MTERF4: variants seen among roughly 807,000 people sequenced by gnomAD.
MTERF4 encodes the protein mitochondrial transcription termination factor 4, also known as transcription termination factor 4, mitochondrial.
In MTERF4, 17 loss-of-function variants were observed where a neutral mutation model predicts 22.5. That is an observed-to-expected ratio of 0.75 (90% CI 0.52 to 1.13). The LOEUF (loss-of-function observed/expected upper bound fraction) is 1.13. Among genes scored for constraint, MTERF4 ranks in the 50% most tolerant of loss-of-function variants. The probability of loss-of-function intolerance (pLI) is 0.00; values close to 1 mark genes in which losing one functional copy is unlikely to be tolerated. For synonymous variants in MTERF4, 165 were observed against 175.3 expected (o/e 0.94, Z 0.47); for missense variants, 420 against 466.8 (o/e 0.90, Z 0.92).
chr2:241,049,956 G>A, the MTERF4 span: 1 of 1,585,772 alleles, frequency 6.3e-7, no homozygotes, highest in Non-Finnish European at 8.7e-7. Context: ...GGGGCGTCCG[G>A]GCCGGCGTCA....
the MTERF4 span, chr2:241,063,021 T>A: frequency 1.6e-5 from 10 of 637,788 alleles, no homozygotes; most frequent in Non-Finnish European, 2.7e-5. Context: ...CACTGCATGC[T>A]TTCTCGGGCC....
chr2:241,071,647 C>T (rs2062722829), downstream of MTERF4: 3 of 1,574,144 alleles, frequency 1.9e-6, no homozygotes, highest in East Asian at 2.3e-5. Context: ...GAACAGACCG[C>T]CCCCGGCGCG....
the MTERF4 span, among the ~76,000 whole-genome samples, chr2:241,064,558 A>G: frequency 6.6e-6 from 1 of 152,186 alleles, no homozygotes; most frequent in South Asian, 2.1e-4. This position sits in a 1 kb window ranked among gnomAD's most constrained non-coding sequence, Gnocchi z 7.0. Context: ...CCCCTCCTCA[A>G]GCAGGACTGT....
At chr2:241,072,117 C>T (rs988349046), downstream of MTERF4, 10 of 698,282 alleles carry the variant, frequency 1.4e-5, no homozygotes, top group Admixed American at 4.0e-5. Context: ...GCTGGAGGCG[C>T]AGGCTGCTGG....
downstream of MTERF4, chr2:241,070,278 C>G: frequency 7.0e-7 from 1 of 1,423,610 alleles, no homozygotes; most frequent in East Asian, 2.5e-5. Flanking sequence ...TGACCTGGCC[C>G]TGCAGGGGCC....
chr2:241,073,246 C>T lies in MTERF4; in HGVS notation n.2916G>A. Reference sequence around the variant, plus strand: ...GTGCAAAGCAGCTGCGCCGTGTGGTCACCGCCTGGCTTCTCCTAGAACCCA... The same window carrying T: ...GTGCAAAGCAGCTGCGCCGTGTGGTTACCGCCTGGCTTCTCCTAGAACCCA... On this transcript the variant is annotated non_coding_transcript_exon_variant, in exon 5 of 5. Coordinates refer to the MTERF4 transcript ENST00000464344. The surrounding 1 kb of genome is among the most constrained non-coding windows in gnomAD (Gnocchi z 6.6). 1.3e-6 allele frequency: 2 copies of T among 1,542,026 alleles called. No individual in the cohort carries two copies. Among genetic ancestry groups the T allele is most frequent in the Non-Finnish European group, 1.8e-6 (2 of 1,138,996 alleles).
downstream of MTERF4, chr2:241,071,918 C>G (rs911237042): frequency 4.0e-6 from 6 of 1,481,728 alleles, no homozygotes; most frequent in African/African-American, 1.4e-5. Flanking sequence ...GGTGGCCCAC[C>G]CTCGTCCTCA....
chr2:241,097,289 G>A lies in MTERF4; in HGVS notation c.659C>T (p.Pro220Leu), dbSNP rs753306693. The A allele has an allele frequency of 6.2e-7, 1 of 1,614,132 alleles. No homozygotes were observed. Among genetic ancestry groups the A allele is most frequent in the South Asian group, 1.1e-5 (1 of 91,062 alleles). Reference protein sequence around the residue: ...QQVTKILHSCPSVLREDLGQL... With the variant: ...QQVTKILHSCLSVLREDLGQL... ...ACCCAGGTCCTCTCGAAGAACAGAGGGGCAACTGTGCAAAATCTTGGTGAC... is the reference window on the plus strand; with the variant it reads ...ACCCAGGTCCTCTCGAAGAACAGAGAGGCAACTGTGCAAAATCTTGGTGAC... Residue 220 changes from proline (P) to leucine (L), a missense_variant, in exon 3 of 4, where the codon CCC becomes CTC. Physicochemically the swap from Pro to Leu is moderately conservative, Grantham distance 98. Coordinates refer to ENST00000391980, the MANE Select transcript of MTERF4 (RefSeq NM_182501.4).
At chr2:241,083,432 T>A (rs1397327341), downstream of MTERF4, among the ~76,000 whole-genome samples, 1 of 152,138 alleles carries the variant, frequency 6.6e-6, no homozygotes, top group Non-Finnish European at 1.5e-5. Context: ...AAGAGTGACA[T>A]GTTCGATTAC....
the MTERF4 span, among the ~76,000 whole-genome samples, chr2:241,054,141 A>AG: frequency 0.62 from 94,000 of 151,820 alleles, 30,380 homozygotes; most frequent in African/African-American, 0.81. Flanking sequence ...TTCAAGCCCC[A>AG]GGTGAGCTCC....
rs901550178 is a variant in MTERF4 at position 241,075,173 on chromosome 2, G to T, written n.989C>A. On this transcript the variant is annotated non_coding_transcript_exon_variant, in exon 5 of 5. Transcript: ENST00000464344. The surrounding 1 kb of genome is among the most constrained non-coding windows in gnomAD (Gnocchi z 4.8). ...CCCTCTCTGTGCAGAGAACATGTAGGTTGTGTTTGGTATGAGCAGTGCTGC... is the reference window on the plus strand; with the variant it reads ...CCCTCTCTGTGCAGAGAACATGTAGTTTGTGTTTGGTATGAGCAGTGCTGC... The T allele has an allele frequency of 7.7e-4, 117 of 152,296 alleles. No homozygotes were observed. Among genetic ancestry groups the T allele is most frequent in the Middle Eastern group, 3.4e-3 (1 of 294 alleles). 9.4% of individuals were successfully genotyped at this position (152,296 alleles called of 1,614,324 possible).
chr2:241,071,006 T>C (rs2062685239), downstream of MTERF4, among the ~76,000 whole-genome samples: 1 of 152,050 alleles, frequency 6.6e-6, no homozygotes, highest in Non-Finnish European at 1.5e-5. Context: ...CCCACCAGCT[T>C]GGGGCCAAGC....
the MTERF4 span, chr2:241,063,550 G>C: frequency 3.5e-6 from 5 of 1,442,782 alleles, no homozygotes; most frequent in African/African-American, 4.2e-5. Flanking sequence ...CCTCAGACTT[G>C]AGCCAGCAAC....
downstream of MTERF4, chr2:241,069,801 T>A: frequency 8.5e-7 from 1 of 1,182,178 alleles, no homozygotes; most frequent in South Asian, 1.5e-5. The surrounding 1 kb of genome is among the most constrained non-coding windows in gnomAD (Gnocchi z 4.9). Flanking sequence ...CCATTCTCCA[T>A]AATAAAGAAT....
chr2:241,043,103 G>C, the MTERF4 span, among the ~76,000 whole-genome samples: 1 of 152,208 alleles, frequency 6.6e-6, no homozygotes, highest in Non-Finnish European at 1.5e-5. Flanking sequence ...GGTGTGGAAA[G>C]GAGTGTTATA....
At chr2:241,071,821 G>A, downstream of MTERF4, 1 of 1,603,620 alleles carries the variant, frequency 6.2e-7, no homozygotes, top group Non-Finnish European at 8.5e-7. Flanking sequence ...GGACGGCAGA[G>A]GAAGAGTGAG....
downstream of MTERF4, chr2:241,088,451 G>C (rs58025399): frequency 2.7e-6 from 4 of 1,491,042 alleles, no homozygotes; most frequent in African/African-American, 2.7e-5. Context: ...GCTGGGAAGT[G>C]GGGGGCGACT....
the MTERF4 span, among the ~76,000 whole-genome samples, chr2:241,052,856 G>C: frequency 8.2e-6 from 1 of 121,868 alleles, no homozygotes; most frequent in South Asian, 2.6e-4. Flanking sequence ...AGATGGCCGG[G>C]GGGCCGAGCA....
rs747981001 is a variant in MTERF4, at chr2:241,096,052, GTCCTCATCATCGTCA to G, written c.1077_1091del (p.Asp362_Asp366del). On this transcript the variant is annotated inframe_deletion, in exon 4 of 4. Transcript: ENST00000391980. This position sits in a 1 kb window ranked among gnomAD's most constrained non-coding sequence, Gnocchi z 5.1. ...CATCATTGTCCTCCGCCTCGTCGTC[GTCCTCATCATCGTCA>G]TCCTCATCATTGTCATCCTCATCAT... 8 of 1,611,326 alleles carry G rather than the reference GTCCTCATCATCGTCA, an allele frequency of 5.0e-6. No homozygotes were observed. The highest frequency in any genetic ancestry group is 1.4e-5 in the African/African-American group (1 of 73,446).
Sources: allele counts gnomAD v4.1 joint callset (sites outside exome capture counted in the v4.1 genomes callset), GRCh38; gene constraint gnomAD v4.1.1; non-coding constraint Gnocchi (gnomAD v3.1); transcripts MANE v1.5; gene names NCBI Gene and HGNC (gene_info 2026-07-23, HGNC 2026-07-21).